ITPR3: variants seen among roughly 807,000 people sequenced by gnomAD.
The protein encoded by ITPR3 is inositol 1,4,5-trisphosphate-gated calcium channel ITPR3.
ITPR3 carries 173 observed loss-of-function variants against 293.2 expected under a neutral mutation model. The observed-to-expected ratio is 0.59, with a 90% CI of 0.52 to 0.67. ITPR3 has a LOEUF of 0.67. ITPR3 is among the 30% of genes least tolerant of loss of function. ITPR3 has a pLI of 0.00. For missense variants in ITPR3, 2,796 were observed against 3,592.1 expected (o/e 0.78, Z 5.66); for synonymous variants, 1,295 against 1,444.4 (o/e 0.90, Z 2.35).
intron 1 of ITPR3, among the ~76,000 whole-genome samples, chr6:33,635,876 G>A (rs1763809784): frequency 6.6e-6 from 1 of 152,000 alleles, no homozygotes; most frequent in African/African-American, 2.4e-5. Context: ...GATCAGAGAT[G>A]TGAGGGGGTG....
chr6:33,667,989 C>T lies in ITPR3; in HGVS notation c.1886+25C>T, dbSNP rs371430386. The T allele has an allele frequency of 3.4e-5, 55 of 1,612,370 alleles. No homozygotes were observed. The African/African-American group carries it at 3.5e-4, about 10-fold the overall frequency. ...GGTGGGCCCGAACCCCCTCCCCGGC[C>T]GGCGCCTGCTCCTCCCTCCTCCCTT... On this transcript the variant is annotated intron_variant, in intron 16 of 57. Transcript: ENST00000605930. This position sits in a 1 kb window ranked among gnomAD's most constrained non-coding sequence, Gnocchi z 4.4.
chr6:33,669,870 G>T (rs1764710319), intron 18 of ITPR3, among the ~76,000 whole-genome samples: 2 of 152,236 alleles, frequency 1.3e-5, no homozygotes, highest in African/African-American at 2.4e-5. Flanking sequence ...AGTCATGTCT[G>T]TGAGGAGGAG....
At position 33,675,929 on chromosome 6, in the gene ITPR3, T is replaced by G. The variant is rs920490960; in HGVS notation, c.3282+73T>G. ...GCACGGGGGGACAGTAAACGATGATTGAGGAGCTCACAGCTCAAGGGGTAA... is the reference window on the plus strand; with the variant it reads ...GCACGGGGGGACAGTAAACGATGATGGAGGAGCTCACAGCTCAAGGGGTAA... On this transcript the variant is annotated intron_variant, in intron 25 of 57. Coordinates refer to ENST00000605930, the MANE Select transcript of ITPR3 (RefSeq NM_002224.4). The surrounding 1 kb of genome is among the most constrained non-coding windows in gnomAD (Gnocchi z 5.0). The G allele has an allele frequency of 6.9e-6, 10 of 1,443,352 alleles. No individual in the cohort carries two copies. The highest frequency in any genetic ancestry group is 9.2e-6 in the Non-Finnish European group (10 of 1,088,610). The allele number at this position is 1,443,352 out of a possible 1,614,324, so 89.4% of individuals were successfully genotyped here.
Position 33,662,900 on chromosome 6 carries a change from T to G in ITPR3, c.859-11T>G. On this transcript the variant is annotated splice_polypyrimidine_tract_variant and intron_variant, in intron 8 of 57. Transcript: ENST00000605930. Reference sequence around the variant, plus strand: ...GTCTCTCCTTCCTGCCTCACACCTGTGTGCCCCTAGGTGGTCCACCACGAC... The same window carrying G: ...GTCTCTCCTTCCTGCCTCACACCTGGGTGCCCCTAGGTGGTCCACCACGAC... 6.3e-7 allele frequency: 1 copy of G among 1,580,032 alleles called. No homozygotes were observed. The highest frequency in any genetic ancestry group is 8.6e-7 in the Non-Finnish European group (1 of 1,161,488).
chr6:33,690,053 T>C lies in ITPR3; in HGVS notation c.6887T>C (p.Phe2296Ser). ...CCCCAGCTGACCAACAAGATCGTGT[T>C]TGTGGTGAGCTTCGTGGGCAACCGT... ...GALNLTNKIV[F>S]VVSFVGNRGT... Residue 2296 changes from phenylalanine (F) to serine (S), a missense_variant, in exon 51 of 58, where the codon TTT becomes TCT. Coordinates refer to ENST00000605930, the MANE Select transcript of ITPR3 (RefSeq NM_002224.4). The C allele has an allele frequency of 6.2e-7, 1 of 1,614,160 alleles. No homozygotes were observed. Among genetic ancestry groups the C allele is most frequent in the Non-Finnish European group, 8.5e-7 (1 of 1,180,016 alleles).
intron 3 of ITPR3, among the ~76,000 whole-genome samples, 196 bp from the exon 4 acceptor site, chr6:33,657,736 C>T (rs892792103): frequency 1.3e-5 from 2 of 151,818 alleles, no homozygotes; most frequent in African/African-American, 4.8e-5. Flanking sequence ...AGGCTGCCTT[C>T]TGCACTCAGA....
At chr6:33,676,027 A>C (rs950126760) in intron 25 of ITPR3, among the ~76,000 whole-genome samples, 171 bp downstream of exon 25, 1 of 152,256 alleles carries the variant, frequency 6.6e-6, no homozygotes, top group Non-Finnish European at 1.5e-5. Context: ...GGCCTGGCTC[A>C]GTGCCTGCCA....
rs1288391837 is a variant in ITPR3 at position 33,655,793 on chromosome 6, A to G, written c.188A>G (p.Asn63Ser). ...RDCLFKVCPM[N>S]RYSAQKQYWK... ...TGCCTCTTCAAGGTGTGCCCCATGA[A>G]CCGCTACTCGGCCCAGAAGCAGTAC... Residue 63 changes from asparagine (N) to serine (S), a missense_variant, in exon 3 of 58, where the codon AAC (asparagine) becomes AGC (serine). Asn to Ser is a conservative substitution (Grantham distance 46). Transcript: ENST00000605930. This position sits in a 1 kb window ranked among gnomAD's most constrained non-coding sequence, Gnocchi z 4.9. The G allele has an allele frequency of 6.2e-7, 1 of 1,613,912 alleles. No homozygotes were observed. Among genetic ancestry groups the G allele is most frequent in the East Asian group, 2.2e-5 (1 of 44,876 alleles).
At chr6:33,640,323 G>T (rs139105140) in intron 1 of ITPR3, among the ~76,000 whole-genome samples, 161 bp from the exon 2 acceptor site, 11 of 152,248 alleles carry the variant, frequency 7.2e-5, no homozygotes, top group African/African-American at 2.6e-4. Flanking sequence ...CCTTTCAACG[G>T]TGGTGCCAGG....
chr6:33,680,328 G>A lies in ITPR3; in HGVS notation c.4225-1G>A, dbSNP rs1374149360. On this transcript the variant is annotated splice_acceptor_variant, in intron 31 of 57. Coordinates refer to ENST00000605930, the MANE Select transcript of ITPR3 (RefSeq NM_002224.4). LOFTEE classifies it high-confidence loss of function. ...CCCCTGACCTCCCGCCCACTGCCCAGGTGAAAATGGCCTATGTGAACTTCG... is the reference window on the plus strand; with the variant it reads ...CCCCTGACCTCCCGCCCACTGCCCAAGTGAAAATGGCCTATGTGAACTTCG... 1.2e-6 allele frequency: 2 copies of A among 1,612,932 alleles called. No homozygotes were observed. The highest frequency in any genetic ancestry group is 2.2e-5 in the South Asian group (2 of 91,002).
chr6:33,649,335 C>T (rs1764137528), intron 2 of ITPR3, among the ~76,000 whole-genome samples: 1 of 152,234 alleles, frequency 6.6e-6, no homozygotes, highest in African/African-American at 2.4e-5. Flanking sequence ...AAGCGATTCT[C>T]CTGTCTCAGT....
Position 33,665,973 on chromosome 6 carries a change from AC to A in ITPR3, c.1549del (p.Gln517ArgfsTer6). 6.2e-7 allele frequency: 1 copy of A among 1,604,996 alleles called. No homozygotes were observed. Among genetic ancestry groups the A allele is most frequent in the Non-Finnish European group, 8.5e-7 (1 of 1,175,558 alleles). Reference sequence around the variant, plus strand: ...TGATGAGGGAGCAGAACATCCTCAAACAGGTGCGTGTGCACCCATGAGGGGA... The same window carrying A: ...TGATGAGGGAGCAGAACATCCTCAAAAGGTGCGTGTGCACCCATGAGGGGA... Reference protein sequence around the residue: ...KLMREQNILKQVFGILKAPFR... With the variant: ...KLMREQNILKXVFGILKAPFR... On this transcript the variant is annotated frameshift_variant and splice_region_variant, in exon 14 of 58. Coordinates refer to ENST00000605930, the MANE Select transcript of ITPR3 (RefSeq NM_002224.4). LOFTEE classifies it high-confidence loss of function.
intron 28 of ITPR3, among the ~76,000 whole-genome samples, chr6:33,677,858 C>T (rs774373669): frequency 2.0e-5 from 3 of 152,158 alleles, no homozygotes; most frequent in Non-Finnish European, 4.4e-5. Flanking sequence ...GATTTGACCC[C>T]AGCCTTATGC....
At chr6:33,640,238 G>C (rs1001903130) in intron 1 of ITPR3, among the ~76,000 whole-genome samples, 2 of 152,134 alleles carry the variant, frequency 1.3e-5, no homozygotes, top group East Asian at 1.9e-4. Context: ...TGCAGCTCCA[G>C]TCAGGGGGCT....
At chr6:33,623,417 CTG>C (rs1427498050) in intron 1 of ITPR3, among the ~76,000 whole-genome samples, 1 of 149,880 alleles carries the variant, frequency 6.7e-6, no homozygotes, top group Non-Finnish European at 1.5e-5. Context: ...GCCTCGACCT[CTG>C]GGGTTCAAGC....
At chr6:33,669,720 TGTAGCTACTATA>T (rs758716783) in intron 18 of ITPR3, among the ~76,000 whole-genome samples, 3 of 152,242 alleles carry the variant, frequency 2.0e-5, no homozygotes, top group Non-Finnish European at 4.4e-5. Context: ...CAACCCTTGT[TGTAGCTACTATA>T]GTTACTCCTG....
intron 56 of ITPR3, 61 bp downstream of exon 56, chr6:33,693,766 G>A (rs1178006271): frequency 6.4e-6 from 10 of 1,571,992 alleles, no homozygotes; most frequent in East Asian, 2.3e-5. Flanking sequence ...AGTCATCACT[G>A]TGCACCAGAG....
chr6:33,670,676 A>G lies in ITPR3; in HGVS notation c.2447A>G (p.Asp816Gly), dbSNP rs199642181. Residue 816 changes from aspartate to glycine, a missense_variant, in exon 20 of 58, where the codon GAT becomes GGT. Physicochemically the swap from Asp to Gly is moderately conservative, Grantham distance 94. This residue lies in a region of ITPR3 where 955 missense variants were observed against 1,180.8 expected (regional missense o/e 0.81). Transcript: ENST00000605930. The surrounding 1 kb of genome is among the most constrained non-coding windows in gnomAD (Gnocchi z 6.7). ...CTCATGGCCTCCACCCTCAGCTATG[A>G]TTCCAACCTCAACGCGTCCCGAGAT... ...IPTAITIKDY[D>G]SNLNASRDDK... is the part of the protein sequence containing the mutation. 5.2e-5 allele frequency: 84 copies of G among 1,614,046 alleles called. 1 individual carries two copies. The East Asian group carries it at 1.6e-3, about 32-fold the overall frequency.
Position 33,686,211 on chromosome 6 carries a change from G to C in ITPR3, c.5826G>C (p.Glu1942Asp). ...TGGGCCTCGTCATCCAGACCTTGGA[G>C]ACCCTCACTGAGTACTGCCAGGGCC... Reference protein sequence around the residue: ...DNVGLVIQTLETLTEYCQGPC... With the variant: ...DNVGLVIQTLDTLTEYCQGPC... The change falls in exon 42 of 58, where the codon GAG becomes GAC. Residue 1942 changes from glutamate (E) to aspartate (D), a missense_variant. Glu to Asp is a conservative substitution (Grantham distance 45). Around this residue, in one of 8 missense-constraint regions of ITPR3, gnomAD observed 704 missense variants for 797.5 expected, o/e 0.88. Coordinates refer to ENST00000605930, the MANE Select transcript of ITPR3 (RefSeq NM_002224.4). 2 of 1,614,038 alleles carry C rather than the reference G, an allele frequency of 1.2e-6. No individual in the cohort carries two copies.
Sources: allele counts gnomAD v4.1 joint callset (sites outside exome capture counted in the v4.1 genomes callset), GRCh38; gene constraint gnomAD v4.1.1; regional missense constraint gnomAD v4.1.1; non-coding constraint Gnocchi (gnomAD v3.1); transcripts MANE v1.5; gene names NCBI Gene and HGNC (gene_info 2026-07-23, HGNC 2026-07-21).